NPAS2: variants seen among roughly 807,000 people sequenced by gnomAD.
NPAS2 encodes the protein neuronal PAS domain protein 2.
In NPAS2, 23 loss-of-function variants were observed where a neutral mutation model predicts 107.5. That is an observed-to-expected ratio of 0.21 (90% confidence interval 0.15 to 0.30). NPAS2 has a LOEUF of 0.30. Ranked by LOEUF, NPAS2 falls within the 10% of genes least tolerant of loss-of-function variation. The pLI, the probability that NPAS2 is intolerant of heterozygous loss-of-function variation, is 1.00. For missense variants in NPAS2, 756 were observed against 1,043.3 expected (o/e 0.72, Z 3.79); for synonymous variants, 403 against 417.5 (o/e 0.97, Z 0.42).
At chr2:100,903,514 A>C (rs562309398) in intron 1 of NPAS2, among the ~76,000 whole-genome samples, 1 of 152,300 alleles carries the variant, frequency 6.6e-6, no homozygotes, top group South Asian at 2.1e-4. Flanking sequence ...CACAAAACTA[A>C]ATGAGCTCAG....
At chr2:100,904,963 C>T (rs1682048954) in intron 2 of NPAS2, among the ~76,000 whole-genome samples, 177 bp downstream of exon 2, 1 of 152,190 alleles carries the variant, frequency 6.6e-6, no homozygotes, top group South Asian at 2.1e-4. Context: ...AGAGAGCTCA[C>T]TCAGCCCTGC....
chr2:100,993,155 G>A (rs1303319662), intron 19 of NPAS2, among the ~76,000 whole-genome samples, 192 bp from the exon 20 acceptor site: 12 of 152,132 alleles, frequency 7.9e-5, no homozygotes, highest in Admixed American at 5.2e-4. Context: ...GGCTGATCTC[G>A]ATCTCCTGAC....
rs1220572474 is a variant in NPAS2 at position 100,964,905 on chromosome 2, G to C, written c.762G>C (p.Arg254Ser). 1 of 1,577,442 alleles carries C rather than the reference G, an allele frequency of 6.3e-7. No homozygotes were observed. The highest frequency in any genetic ancestry group is 2.1e-5 in the Admixed American group (1 of 47,644). Residue 254 changes from arginine to serine, a missense_variant, in exon 9 of 21, where the codon AGG becomes AGC. By Grantham distance (110) the Arg-to-Ser change is moderately radical. Around this residue, in one of 4 missense-constraint regions of NPAS2, gnomAD observed 84 missense variants for 175.5 expected, o/e 0.48. Transcript: ENST00000335681. ...VDEPLEEFTSRHSLEWKFLFL... is the reference protein window; with the variant it reads ...VDEPLEEFTSSHSLEWKFLFL... The stretch of plus-strand genomic sequence containing the variant: ...AACCTTTAGAGGAATTCACTTCAAG[G>C]CATAGCTTGGAATGGAAATTTTTAT...
At chr2:100,822,787 C>T (rs1317913272) in intron 1 of NPAS2, 1 of 152,234 alleles carries the variant, frequency 6.6e-6, no homozygotes, top group African/African-American at 2.4e-5. Context: ...CACGGTGCAA[C>T]TCTTTCCCAA....
At chr2:100,985,465 A>G (rs1268237304) in intron 16 of NPAS2, 1 of 152,272 alleles carries the variant, frequency 6.6e-6, no homozygotes, top group Non-Finnish European at 1.5e-5. Context: ...CATCGATGGG[A>G]CAGAGTAGCA....
intron 15 of NPAS2, among the ~76,000 whole-genome samples, chr2:100,978,255 A>G (rs1677160460): frequency 6.6e-6 from 1 of 152,090 alleles, no homozygotes; most frequent in Non-Finnish European, 1.5e-5. Context: ...AACATACGAT[A>G]TTTGGTTTTC....
chr2:100,896,089 C>A (rs1681394505), intron 1 of NPAS2, among the ~76,000 whole-genome samples: 1 of 152,152 alleles, frequency 6.6e-6, no homozygotes. Flanking sequence ...ATGGAACTCA[C>A]CTAGAGCTTT....
At chr2:100,923,294 A>G (rs1240815588) in intron 2 of NPAS2, among the ~76,000 whole-genome samples, 1 of 152,172 alleles carries the variant, frequency 6.6e-6, no homozygotes, top group Non-Finnish European at 1.5e-5. Context: ...TAGTGACCAC[A>G]CACGTTAGCT....
rs141137157 is a variant in NPAS2 at position 100,947,765 on chromosome 2, G to A, written c.364-470G>A. Among the ~76,000 whole-genome samples, 438 of 152,254 alleles carry A rather than the reference G, an allele frequency of 2.9e-3. 3 individuals are homozygous for A. Among genetic ancestry groups the A allele is most frequent in the Non-Finnish European group, 4.6e-3 (310 of 68,018 alleles). The stretch of plus-strand genomic sequence containing the variant: ...AGTGCCAAGGCACTCAGAAGAAAAC[G>A]TGCAGTTCCATAACTTAAAGACCTT... On this transcript the variant is annotated intron_variant, in intron 5 of 20. Transcript: ENST00000335681.
At chr2:100,944,582 G>A (rs767288931) in intron 5 of NPAS2, among the ~76,000 whole-genome samples, 6 of 152,254 alleles carry the variant, frequency 3.9e-5, no homozygotes, top group East Asian at 1.9e-4. Flanking sequence ...TTCAACTGCC[G>A]ATGTAATTTT....
intron 1 of NPAS2, among the ~76,000 whole-genome samples, chr2:100,856,379 T>G (rs1678556340): frequency 6.6e-6 from 1 of 152,206 alleles, no homozygotes; most frequent in South Asian, 2.1e-4. Context: ...GCTGTCTGCT[T>G]TCTCACAAGC....
intron 5 of NPAS2, among the ~76,000 whole-genome samples, chr2:100,943,446 G>C (rs917882688): frequency 6.6e-6 from 1 of 152,216 alleles, no homozygotes; most frequent in African/African-American, 2.4e-5. Context: ...GTTGTGGGCA[G>C]GTATTGTTTT....
At chr2:100,938,537 T>C in intron 5 of NPAS2, among the ~76,000 whole-genome samples, 1 of 57,892 alleles carries the variant, frequency 1.7e-5, no homozygotes, top group Non-Finnish European at 3.2e-5. Context: ...CCCTTCTTAT[T>C]CCCTCCTCCC....
At chr2:100,932,793 A>G in intron 3 of NPAS2, 117 bp from the exon 4 acceptor site, 1 of 715,004 alleles carries the variant, frequency 1.4e-6, no homozygotes, top group East Asian at 2.7e-5. Context: ...CTGGCTTCTT[A>G]AATTAAACTA....
intron 1 of NPAS2, among the ~76,000 whole-genome samples, chr2:100,864,580 G>GA (rs1200813012): frequency 3.3e-5 from 5 of 152,182 alleles, no homozygotes; most frequent in Non-Finnish European, 7.3e-5. Flanking sequence ...ACATGGCATT[G>GA]AAAAATGGTT....
intron 1 of NPAS2, among the ~76,000 whole-genome samples, chr2:100,821,988 G>A (rs1030428960): frequency 2.0e-5 from 3 of 152,238 alleles, no homozygotes; most frequent in Non-Finnish European, 2.9e-5. Context: ...AAGACGTTCA[G>A]TAATTATCTT....
At position 100,975,666 on chromosome 2, in the gene NPAS2, T is replaced by G. The variant is rs1676940115; in HGVS notation, c.1392+99T>G. 4.7e-6 allele frequency: 4 copies of G among 847,258 alleles called. No homozygotes were observed. In the East Asian group the frequency reaches 1.2e-4, roughly 25 times the overall value. 52.5% of individuals were successfully genotyped at this position (847,258 alleles called of 1,614,324 possible). ...GCTGCGTCTCCCCAGAGAATCCGTT[T>G]TACTTAGGGATTGAGAGTGTAGGGT... On this transcript the variant is annotated intron_variant, in intron 14 of 20. Coordinates refer to ENST00000335681, the MANE Select transcript of NPAS2 (RefSeq NM_002518.4).
chr2:100,861,999 G>A (rs1352522056), intron 1 of NPAS2, among the ~76,000 whole-genome samples: 1 of 152,138 alleles, frequency 6.6e-6, no homozygotes. Context: ...ACATATGTAT[G>A]TCTATATGTA....
At chr2:100,950,432 C>T (rs920486460) in intron 7 of NPAS2, among the ~76,000 whole-genome samples, 1 of 152,162 alleles carries the variant, frequency 6.6e-6, no homozygotes, top group African/African-American at 2.4e-5. Flanking sequence ...ACTTCTGCTG[C>T]GTTCTTGACC....
Sources: gnomAD v4.1 joint callset for allele counts (sites outside exome capture counted in the v4.1 genomes callset) on GRCh38, gnomAD v4.1.1 for gene constraint, gnomAD v4.1.1 regional missense constraint, MANE v1.5 for transcripts, NCBI Gene and HGNC (gene_info 2026-07-23, HGNC 2026-07-21) for gene names.